The following SCOC variants were observed in gnomAD, a reference collection of about 807,000 sequenced individuals.
The protein encoded by SCOC is short coiled coil protein.
Under a neutral mutation model 9.9 loss-of-function variants are expected in SCOC, and 7 were observed. The observed-to-expected ratio is 0.71, with a 90% CI of 0.40 to 1.33. The LOEUF is 1.33. Among genes scored for constraint, SCOC ranks in the 40% most tolerant of loss-of-function variants. SCOC has a pLI of 0.01. For missense variants in SCOC, 66 were observed against 89.7 expected (o/e 0.74, Z 1.07); for synonymous variants, 19 against 28.2 (o/e 0.67, Z 1.03).
chr4:140,314,243 CAT>C (rs1054483825), intron 1 of SCOC: 2 of 204,730 alleles, frequency 9.8e-6, no homozygotes, highest in East Asian at 1.1e-4. Flanking sequence ...GTTTTGAAAA[CAT>C]AATACTAGAA....
chr4:140,374,050 T>A, intron 1 of SCOC: 1 of 520,358 alleles, frequency 1.9e-6, no homozygotes, highest in Non-Finnish European at 3.7e-6. Context: ...GGCTCTGGAA[T>A]TGGACTGCGG....
At chr4:140,340,581 T>C (rs1042275938), upstream of SCOC, among the ~76,000 whole-genome samples, 24 of 151,966 alleles carry the variant, frequency 1.6e-4, no homozygotes, top group African/African-American at 5.6e-4. Flanking sequence ...TCTCACTCCA[T>C]ATATAAAAAT....
chr4:140,313,426 A>G (rs2126470582), intron 1 of SCOC, among the ~76,000 whole-genome samples: 1 of 152,172 alleles, frequency 6.6e-6, no homozygotes, highest in East Asian at 1.9e-4. Context: ...TAATTTTTGT[A>G]CTTTTAATAG....
intron 1 of SCOC, among the ~76,000 whole-genome samples, chr4:140,334,679 C>T (rs1215055290): frequency 2.0e-5 from 3 of 152,114 alleles, no homozygotes; most frequent in Admixed American, 6.5e-5. Flanking sequence ...TTTATGCAGC[C>T]GTTCTCTAGA....
chr4:140,334,162 TCTTGC>T (rs1458903052), intron 1 of SCOC, among the ~76,000 whole-genome samples: 42 of 152,292 alleles, frequency 2.8e-4, no homozygotes. Flanking sequence ...CAAGCAATCA[TCTTGC>T]CTTGGTATGT....
At chr4:140,261,029 T>G (rs1730621829) in intron 1 of SCOC, among the ~76,000 whole-genome samples, 1 of 152,224 alleles carries the variant, frequency 6.6e-6, no homozygotes, top group African/African-American at 2.4e-5. Context: ...ATTGAGCACC[T>G]ATGTGCCAGG....
At position 140,326,647 on chromosome 4, in the gene SCOC, C is replaced by T. The variant is rs200326031; in HGVS notation, c.-18-16974C>T. ...TCTCAAATGAGTTATAGGCAGACCCCCCCCCCTACACTGTTAGGGAGAAAA... is the reference window on the plus strand; with the variant it reads ...TCTCAAATGAGTTATAGGCAGACCCTCCCCCCTACACTGTTAGGGAGAAAA... On this transcript the variant is annotated intron_variant, in intron 1 of 4. Transcript: ENST00000394205. Among the ~76,000 whole-genome samples, 61 of 152,064 alleles carry T rather than the reference C, an allele frequency of 4.0e-4. 1 individual carries two copies. The highest frequency in any genetic ancestry group is 1.2e-3 in the African/African-American group (48 of 41,482).
upstream of SCOC, among the ~76,000 whole-genome samples, chr4:140,370,796 T>C (rs1438294186): frequency 6.6e-6 from 1 of 152,336 alleles, no homozygotes; most frequent in Non-Finnish European, 1.5e-5. Flanking sequence ...TTAAAAACCT[T>C]TCTGGCCGTT....
chr4:140,371,643 G>A (rs115152017), upstream of SCOC, among the ~76,000 whole-genome samples: 189 of 152,078 alleles, frequency 1.2e-3, no homozygotes, highest in African/African-American at 4.2e-3. Context: ...CAACTTCCAG[G>A]TACCCTTTTT....
chr4:140,290,481 C>T (rs1313723249), intron 1 of SCOC, among the ~76,000 whole-genome samples: 3 of 152,180 alleles, frequency 2.0e-5, no homozygotes, highest in African/African-American at 7.2e-5. Context: ...TAGACTACTG[C>T]TGAGCCTATG....
At chr4:140,312,229 T>C (rs148969938) in intron 1 of SCOC, among the ~76,000 whole-genome samples, 22 of 152,270 alleles carry the variant, frequency 1.4e-4, no homozygotes, top group African/African-American at 5.1e-4. Context: ...TTTCTAATTT[T>C]GAAATGAGCT....
At chr4:140,362,175 T>A (rs2126554530) in intron 2 of SCOC, among the ~76,000 whole-genome samples, 1 of 151,442 alleles carries the variant, frequency 6.6e-6, no homozygotes, top group East Asian at 2.0e-4. Flanking sequence ...TGGGCATGAT[T>A]TGCTTCACTG....
At chr4:140,290,477 A>G (rs1397590192) in intron 1 of SCOC, among the ~76,000 whole-genome samples, 1 of 152,144 alleles carries the variant, frequency 6.6e-6, no homozygotes, top group Non-Finnish European at 1.5e-5. Flanking sequence ...ACAATAGACT[A>G]CTGCTGAGCC....
chr4:140,342,210 T>C (rs1392773678), upstream of SCOC, among the ~76,000 whole-genome samples: 2 of 152,164 alleles, frequency 1.3e-5, no homozygotes, highest in African/African-American at 4.8e-5. Flanking sequence ...CTCTGAGCTT[T>C]TGCCCATACT....
At chr4:140,277,646 A>G (rs1402623065) in intron 1 of SCOC, among the ~76,000 whole-genome samples, 1 of 152,236 alleles carries the variant, frequency 6.6e-6, no homozygotes, top group African/African-American at 2.4e-5. Context: ...TTAGACAAAG[A>G]GAGTATTATT....
At chr4:140,358,599 T>C (rs193252916) in intron 2 of SCOC, among the ~76,000 whole-genome samples, 129 of 152,348 alleles carry the variant, frequency 8.5e-4, no homozygotes, top group African/African-American at 2.8e-3. Context: ...CTTCCTAAGG[T>C]GTTCATTGTA....
intron 2 of SCOC, chr4:140,361,107 G>A (rs900967105): frequency 6.6e-6 from 1 of 152,106 alleles, no homozygotes; most frequent in African/African-American, 2.4e-5. Context: ...TATGCCAAGA[G>A]TACTGACACC....
chr4:140,326,059 A>G (rs2126488131), intron 1 of SCOC, among the ~76,000 whole-genome samples: 2 of 152,236 alleles, frequency 1.3e-5, no homozygotes, highest in East Asian at 3.9e-4. Context: ...TCTGTAAGTG[A>G]AACAAGCCAG....
rs1164543293 is a variant in SCOC at position 140,287,420 on chromosome 4, TAC to T, written c.-19+30014_-19+30015del. Among the ~76,000 whole-genome samples, 9 of 123,156 alleles carry T rather than the reference TAC, an allele frequency of 7.3e-5. No individual in the cohort carries two copies. In the East Asian group the frequency reaches 2.3e-3, roughly 31 times the overall value. 80.8% of individuals were successfully genotyped at this position (123,156 alleles called of 152,430 possible). A position where few individuals can be genotyped will look rare whatever the true frequency, so the allele number is the denominator to read the frequency against. Reference sequence around the variant, plus strand: ...ACATATGTACACACACTACACACACTACACAGACCATGCACATACATATACCA... The same window carrying T: ...ACATATGTACACACACTACACACACTACAGACCATGCACATACATATACCA... On this transcript the variant is annotated intron_variant, in intron 1 of 4. Transcript: ENST00000394205.
Sources: allele counts gnomAD v4.1 joint callset (sites outside exome capture counted in the v4.1 genomes callset), GRCh38; gene constraint gnomAD v4.1.1; transcripts MANE v1.5; gene names NCBI Gene and HGNC (gene_info 2026-07-23, HGNC 2026-07-21).